EDARADD: variants seen among roughly 807,000 people sequenced by gnomAD.
EDARADD encodes the protein ectodysplasin-A receptor-associated adapter protein.
EDARADD carries 20 observed loss-of-function variants against 25.6 expected under a neutral mutation model. The observed-to-expected ratio is 0.78, with a 90% CI of 0.55 to 1.14. The LOEUF is 1.14. Ranked by LOEUF, EDARADD falls within the 50% of genes most tolerant of loss-of-function variation. EDARADD has a pLI of 0.00. For missense variants in EDARADD, 225 were observed against 270.1 expected (o/e 0.83, Z 1.17); for synonymous variants, 86 against 94.4 (o/e 0.91, Z 0.52).
At chr1:236,384,125 C>T (rs586997) in intron 3 of EDARADD, among the ~76,000 whole-genome samples, 152,363 of 152,368 alleles carry the variant, frequency 1, 76,179 homozygotes, top group Non-Finnish European at 1. Flanking sequence ...ATGCTTATGT[C>T]ATTTCCAATC....
chr1:236,425,415 G>A (rs1657890438), intron 3 of EDARADD, among the ~76,000 whole-genome samples: 1 of 152,162 alleles, frequency 6.6e-6, no homozygotes, highest in Admixed American at 6.5e-5. Context: ...GCAGCAACCA[G>A]GGCACCAGGG....
chr1:236,352,792 G>A (rs573763342), intron 3 of EDARADD, among the ~76,000 whole-genome samples: 2 of 152,276 alleles, frequency 1.3e-5, no homozygotes, highest in African/African-American at 4.8e-5. Flanking sequence ...AGGTTGCAGT[G>A]AGCCAAGATT....
At chr1:236,461,583 C>G (rs1372751551) in intron 4 of EDARADD, among the ~76,000 whole-genome samples, 1 of 152,140 alleles carries the variant, frequency 6.6e-6, no homozygotes, top group Non-Finnish European at 1.5e-5. Context: ...TAATGTGATT[C>G]CAAAGAAGCT....
At chr1:236,356,119 A>T (rs541867118) in intron 3 of EDARADD, among the ~76,000 whole-genome samples, 1 of 152,248 alleles carries the variant, frequency 6.6e-6, no homozygotes, top group South Asian at 2.1e-4. Context: ...AGGCCAGCAG[A>T]GAGTAGGGCA....
chr1:236,437,009 AG>A (rs1436428051), intron 4 of EDARADD, among the ~76,000 whole-genome samples: 1 of 152,234 alleles, frequency 6.6e-6, no homozygotes, highest in Non-Finnish European at 1.5e-5. Flanking sequence ...ATGTATTACC[AG>A]CACTCCCTTA....
chr1:236,451,393 G>T (rs1268353122), intron 4 of EDARADD, among the ~76,000 whole-genome samples: 2 of 152,066 alleles, frequency 1.3e-5, no homozygotes, highest in Non-Finnish European at 2.9e-5. Flanking sequence ...TGGAGTATTT[G>T]TCTGTCATCC....
rs182158468 is a variant in EDARADD, at chr1:236,447,788, A to G, written c.219+20338A>G. ...ACCCATCTATGATCTGCTTAAACCAATGGTTCTGGTCCTCGACTGCACATT... is the reference window on the plus strand; with the variant it reads ...ACCCATCTATGATCTGCTTAAACCAGTGGTTCTGGTCCTCGACTGCACATT... On this transcript the variant is annotated intron_variant, in intron 4 of 5. Coordinates refer to ENST00000334232, the MANE Select transcript of EDARADD (RefSeq NM_145861.4). 5.9e-5 allele frequency among the ~76,000 whole-genome samples: 9 copies of G among 152,116 alleles called. 2 individuals carry two copies. Among genetic ancestry groups the G allele is most frequent in the African/African-American group, 2.2e-4 (9 of 41,502 alleles).
intron 3 of EDARADD, among the ~76,000 whole-genome samples, chr1:236,415,042 G>T (rs1163521557): frequency 6.6e-6 from 1 of 152,064 alleles, no homozygotes; most frequent in Non-Finnish European, 1.5e-5. Context: ...GATTACTAGC[G>T]CCTCTTGCTT....
intron 1 of EDARADD, among the ~76,000 whole-genome samples, chr1:236,402,313 G>A (rs995374496): frequency 6.6e-6 from 1 of 152,130 alleles, no homozygotes; most frequent in Non-Finnish European, 1.5e-5. Context: ...GCTTGTGCCT[G>A]TAATCCCAGC....
At chr1:236,405,589 T>A (rs370549469) in intron 1 of EDARADD, among the ~76,000 whole-genome samples, 1 of 152,162 alleles carries the variant, frequency 6.6e-6, no homozygotes, top group Non-Finnish European at 1.5e-5. Context: ...AAGGCCAGAC[T>A]GCTAGCTCTT....
intron 2 of EDARADD, among the ~76,000 whole-genome samples, chr1:236,350,288 T>C (rs1445963691): frequency 6.6e-6 from 1 of 152,142 alleles, no homozygotes; most frequent in Non-Finnish European, 1.5e-5. Flanking sequence ...GGAAAGTAAG[T>C]CATGATATAT....
chr1:236,361,561 C>T (rs1171713318), intron 3 of EDARADD, among the ~76,000 whole-genome samples: 1 of 150,656 alleles, frequency 6.6e-6, no homozygotes. Context: ...AACTCCTGAC[C>T]TTCAGTGATC....
intron 4 of EDARADD, among the ~76,000 whole-genome samples, chr1:236,429,034 G>C (rs1223542623): frequency 6.6e-6 from 1 of 152,114 alleles, no homozygotes; most frequent in African/African-American, 2.4e-5. Flanking sequence ...CACTCGGCAG[G>C]CTGAGGCAGG....
intron 2 of EDARADD, among the ~76,000 whole-genome samples, chr1:236,413,549 A>G (rs949776701): frequency 3.3e-5 from 5 of 152,292 alleles, no homozygotes; most frequent in African/African-American, 9.6e-5. Context: ...GGGTTGGGAA[A>G]TTAGGCTCCT....
intron 3 of EDARADD, among the ~76,000 whole-genome samples, chr1:236,374,515 A>G (rs1051488842): frequency 2.6e-5 from 4 of 151,888 alleles, no homozygotes; most frequent in Non-Finnish European, 4.4e-5. Flanking sequence ...GCTATTTCCA[A>G]CCACAATAGT....
At chr1:236,479,260 C>T (rs1223098186) in intron 5 of EDARADD, among the ~76,000 whole-genome samples, 1 of 152,086 alleles carries the variant, frequency 6.6e-6, no homozygotes, top group African/African-American at 2.4e-5. Flanking sequence ...ATTCGAGAGG[C>T]TGAGGCAGGA....
At chr1:236,418,935 T>C (rs376836235) in intron 3 of EDARADD, among the ~76,000 whole-genome samples, 4 of 152,260 alleles carry the variant, frequency 2.6e-5, no homozygotes, top group Non-Finnish European at 4.4e-5. Flanking sequence ...AGAGACCCTC[T>C]TGGGAATCTT....
intron 3 of EDARADD, among the ~76,000 whole-genome samples, chr1:236,384,959 G>A (rs1399502539): frequency 6.6e-6 from 1 of 151,812 alleles, no homozygotes; most frequent in East Asian, 1.9e-4. Context: ...ATATAGCAAA[G>A]ATTAATAATT....
intron 4 of EDARADD, among the ~76,000 whole-genome samples, chr1:236,442,150 G>A (rs1274470811): frequency 6.8e-5 from 10 of 148,070 alleles, no homozygotes; most frequent in Admixed American, 6.7e-5. Context: ...TTTTGAAACC[G>A]TGTCTCATTC....
Sources: allele counts gnomAD v4.1 joint callset (sites outside exome capture counted in the v4.1 genomes callset), GRCh38; gene constraint gnomAD v4.1.1; transcripts MANE v1.5; gene names NCBI Gene and HGNC (gene_info 2026-07-23, HGNC 2026-07-21).